The following IL1RAPL2 variants were observed in gnomAD, a reference collection of about 807,000 sequenced individuals.
IL1RAPL2 encodes the protein interleukin 1 receptor accessory protein like 2, also known as X-linked interleukin-1 receptor accessory protein-like 2.
IL1RAPL2 carries 3 observed loss-of-function variants against 44.1 expected under a neutral mutation model. That is an observed-to-expected ratio of 0.07 (90% CI 0.03 to 0.18). IL1RAPL2 has a LOEUF of 0.18. Among genes scored for constraint, IL1RAPL2 ranks in the 10% least tolerant of loss-of-function variants. The pLI is 1.00. For missense variants in IL1RAPL2, 391 were observed against 496.4 expected (o/e 0.79, Z 2.02); for synonymous variants, 181 against 178.8 (o/e 1.01, Z -0.10).
intron 6 of IL1RAPL2, among the ~76,000 whole-genome samples, chrX:105,503,258 T>A (rs1426284372): frequency 9.0e-6 from 1 of 111,420 alleles, no homozygotes; most frequent in Middle Eastern, 4.2e-3. Flanking sequence ...ATCTCTTAAA[T>A]CCAGGATTAG....
intron 5 of IL1RAPL2, among the ~76,000 whole-genome samples, chrX:105,390,524 G>A (rs1220788794): frequency 9.0e-6 from 1 of 111,077 alleles, no homozygotes; most frequent in Non-Finnish European, 1.9e-5. Context: ...TTTAAAATAT[G>A]AATGAGTATA....
chrX:105,371,561 A>G (rs1257234847), intron 5 of IL1RAPL2, among the ~76,000 whole-genome samples: 2 of 111,833 alleles, frequency 1.8e-5, no homozygotes, highest in Non-Finnish European at 3.8e-5. Context: ...TATTTGGTAT[A>G]TATTTTTCAG....
chrX:104,943,726 C>G (rs1300884200), intron 2 of IL1RAPL2, among the ~76,000 whole-genome samples: 3 of 111,549 alleles, frequency 2.7e-5, no homozygotes, highest in Non-Finnish European at 5.7e-5. Flanking sequence ...GATCTCCTGC[C>G]TACTCTTTTG....
chrX:105,306,879 A>G (rs2034741503), intron 5 of IL1RAPL2, among the ~76,000 whole-genome samples: 1 of 110,975 alleles, frequency 9.0e-6, no homozygotes, highest in African/African-American at 3.3e-5. Context: ...TGCTATAAAG[A>G]AATTTTTGAC....
chrX:104,819,091 G>A (rs1921229124), intron 2 of IL1RAPL2, among the ~76,000 whole-genome samples: 1 of 112,237 alleles, frequency 8.9e-6, no homozygotes, highest in Non-Finnish European at 1.9e-5. Flanking sequence ...TGAGCAGATA[G>A]CATTTAGAGT....
chrX:105,592,990 G>A (rs1342594572), intron 6 of IL1RAPL2, among the ~76,000 whole-genome samples: 1 of 111,561 alleles, frequency 9.0e-6, no homozygotes, highest in African/African-American at 3.3e-5. Context: ...ATGAGGTTGG[G>A]GAAATTTTAT....
At chrX:104,717,697 G>T (rs1931597052) in intron 2 of IL1RAPL2, among the ~76,000 whole-genome samples, 1 of 109,001 alleles carries the variant, frequency 9.2e-6, no homozygotes, top group Non-Finnish European at 1.9e-5. Context: ...TGCCATGTTG[G>T]TGTGCTGCAC....
At chrX:104,630,661 T>C (rs898710599) in intron 1 of IL1RAPL2, among the ~76,000 whole-genome samples, 5 of 111,127 alleles carry the variant, frequency 4.5e-5, no homozygotes, top group African/African-American at 1.6e-4. Flanking sequence ...TCATGCAAAT[T>C]GTAGGATTGT....
At chrX:105,722,828 G>C (rs1326271482) in intron 7 of IL1RAPL2, among the ~76,000 whole-genome samples, 2 of 111,331 alleles carry the variant, frequency 1.8e-5, no homozygotes, top group Non-Finnish European at 3.8e-5. Context: ...CCAGTGTCTG[G>C]AAAGGGCCTG....
intron 2 of IL1RAPL2, among the ~76,000 whole-genome samples, chrX:104,715,690 A>AC (rs1044534482): frequency 9.1e-6 from 1 of 109,340 alleles, no homozygotes; most frequent in Non-Finnish European, 1.9e-5. Context: ...TAAAAAAAAA[A>AC]AATAATAAAA....
intron 2 of IL1RAPL2, among the ~76,000 whole-genome samples, chrX:104,702,834 G>C (rs1931300372): frequency 9.0e-6 from 1 of 111,314 alleles, no homozygotes; most frequent in African/African-American, 3.3e-5. Context: ...ATCTGTATAG[G>C]AGAAAAAGCA....
chrX:105,495,726 G>A (rs954537724), intron 6 of IL1RAPL2, among the ~76,000 whole-genome samples: 1 of 111,067 alleles, frequency 9.0e-6, no homozygotes, highest in Non-Finnish European at 1.9e-5. Context: ...GTGATGGAGA[G>A]GGGGCCTACA....
chrX:105,193,701 C>A (rs1556138699), intron 2 of IL1RAPL2, among the ~76,000 whole-genome samples: 1 of 111,630 alleles, frequency 9.0e-6, no homozygotes, highest in African/African-American at 3.3e-5. Context: ...GAGAGACAAC[C>A]AGTGATCAGT....
At chrX:105,103,380 CAGGT>C (rs1360705705) in intron 2 of IL1RAPL2, among the ~76,000 whole-genome samples, 2 of 111,741 alleles carry the variant, frequency 1.8e-5, no homozygotes, top group East Asian at 5.6e-4. Flanking sequence ...GCAAGAAAAA[CAGGT>C]AGGAAGCCTG....
chrX:104,632,241 A>G (rs1447439420), intron 1 of IL1RAPL2, among the ~76,000 whole-genome samples: 2 of 111,650 alleles, frequency 1.8e-5, no homozygotes, highest in African/African-American at 3.3e-5. Context: ...TTTGCTTACC[A>G]TAGCCTTGTA....
chrX:104,761,214 G>A (rs1389013218), intron 2 of IL1RAPL2, among the ~76,000 whole-genome samples: 2 of 111,160 alleles, frequency 1.8e-5, no homozygotes, highest in African/African-American at 3.3e-5. Context: ...GGGCTGGGGA[G>A]GCCTCAGGAA....
intron 2 of IL1RAPL2, among the ~76,000 whole-genome samples, chrX:104,705,064 T>C (rs934504939): frequency 2.7e-5 from 3 of 111,675 alleles, no homozygotes; most frequent in Non-Finnish European, 5.6e-5. Flanking sequence ...GGAGAAGGTA[T>C]GCTGGGAGGT....
chrX:104,582,271 A>G (rs920828476), intron 1 of IL1RAPL2, among the ~76,000 whole-genome samples: 2 of 111,861 alleles, frequency 1.8e-5, no homozygotes, highest in Admixed American at 1.9e-4. Flanking sequence ...AAAGGTTTAC[A>G]TACTGTGAGT....
At chrX:104,585,322 A>ATATATTATATATTATATATTATATAT (rs1347233369) in intron 1 of IL1RAPL2, among the ~76,000 whole-genome samples, 1 of 21,015 alleles carries the variant, frequency 4.8e-5, no homozygotes, top group Admixed American at 9.2e-4. Context: ...AATATATATT[A>ATATATTATATATTATATATTATATAT]TATATAATAT....
Sources: allele counts gnomAD v4.1 joint callset (sites outside exome capture counted in the v4.1 genomes callset), GRCh38; gene constraint gnomAD v4.1.1; transcripts MANE v1.5; gene names NCBI Gene and HGNC (gene_info 2026-07-23, HGNC 2026-07-21).